Variants in ANKEF1 observed in about 807,000 individuals in gnomAD.
ANKEF1 encodes the protein ankyrin repeat and EF-hand domain-containing protein 1.
Under a neutral mutation model 65.1 loss-of-function variants are expected in ANKEF1, and 43 were observed. The ratio of observed to expected loss-of-function variants is 0.66; its 90% CI spans 0.52 to 0.85. The LOEUF is 0.85. ANKEF1 is among the 40% of genes least tolerant of loss of function. ANKEF1 has a pLI of 0.00. For synonymous variants in ANKEF1, 316 were observed against 341.5 expected, an observed-to-expected ratio of 0.93 and a Z score of 0.82; for missense variants, 934 against 952.9, an observed-to-expected ratio of 0.98 and a Z score of 0.26.
chr20:10,043,018 T>C, intron 3 of ANKEF1, 104 bp from the exon 4 acceptor site: 2 of 1,117,588 alleles, frequency 1.8e-6, no homozygotes, highest in Middle Eastern at 2.9e-4. Context: ...CTGAGGCAGA[T>C]ATGCCTTTAA....
Position 10,049,902 on chromosome 20 carries a change from C to T in ANKEF1, c.1333C>T (p.Arg445Cys), listed in dbSNP as rs755442685. ...ICVIPEYAFP[R>C]RQDGGPPYYM... The stretch of plus-strand genomic sequence containing the variant: ...TGTCATTCCTGAGTACGCGTTTCCA[C>T]GCCGGCAGGATGGTGGGCCACCGTA... Residue 445 changes from arginine to cysteine, a missense_variant, in exon 7 of 11, where the codon CGC (arginine) becomes TGC (cysteine). Transcript: ENST00000378392. The T allele has an allele frequency of 1.2e-5, 19 of 1,614,174 alleles. No individual in the cohort carries two copies. In the South Asian group the frequency reaches 1.6e-4, roughly 14 times the overall value.
chr20:10,038,335 C>T lies in ANKEF1; in HGVS notation c.34C>T (p.Gln12Ter). The T allele has an allele frequency of 6.3e-7, 1 of 1,583,064 alleles. No homozygotes were observed. The highest frequency in any genetic ancestry group is 1.2e-5 in the South Asian group (1 of 85,788). ...AGCAGATAAGAGACTTGAGAACTTA[C>T]AGATCTACAAAGTTCTTCAATGTGT... ...ALADKRLENL[Q>*]IYKVLQCVRN... The change falls in exon 3 of 11, where the codon CAG (glutamine) becomes TAG (stop). Residue 12 changes from glutamine to a stop codon, truncating the protein, a stop_gained. Transcript: ENST00000378392. LOFTEE classifies it high-confidence loss of function.
chr20:10,046,929 G>A (rs1984555547), intron 6 of ANKEF1, among the ~76,000 whole-genome samples: 1 of 152,092 alleles, frequency 6.6e-6, no homozygotes, highest in African/African-American at 2.4e-5. Context: ...AACCCTTTTA[G>A]CAAATGAGAA....
intron 2 of ANKEF1, among the ~76,000 whole-genome samples, chr20:10,038,033 A>G (rs895252517): frequency 6.6e-6 from 1 of 152,220 alleles, no homozygotes; most frequent in Non-Finnish European, 1.5e-5. Context: ...ATGGATAATA[A>G]GAAAACCACC....
At chr20:10,046,074 C>T (rs1984510207) in intron 6 of ANKEF1, among the ~76,000 whole-genome samples, 1 of 151,966 alleles carries the variant, frequency 6.6e-6, no homozygotes, top group Non-Finnish European at 1.5e-5. Flanking sequence ...AGGTCAACAC[C>T]AGCCTGGCCA....
chr20:10,044,580 A>G (rs566757447), intron 5 of ANKEF1, 37 bp downstream of exon 5: 47 of 1,606,672 alleles, frequency 2.9e-5, no homozygotes, highest in Non-Finnish European at 3.7e-5. Flanking sequence ...TTTGTTGCTA[A>G]AACTTTTCTG....
rs1339788129 is a variant in ANKEF1, at chr20:10,044,502, C to A, written c.655C>A (p.His219Asn). ...GEVNAFDNDR[H>N]HAAHFAAKGG... ...AGTGAATGCATTTGACAACGACAGG[C>A]ATCACGCTGCTCATTTTGCTGCTAA... is the stretch of plus-strand genomic sequence containing the variant. The change falls in exon 5 of 11, where the codon CAT (histidine) becomes AAT (asparagine). Residue 219 changes from histidine (H) to asparagine (N), a missense_variant. Physicochemically the swap from His to Asn is moderately conservative, Grantham distance 68. Transcript: ENST00000378392. 1.2e-6 allele frequency: 2 copies of A among 1,614,108 alleles called. No homozygotes were observed. The highest frequency in any genetic ancestry group is 3.3e-5 in the Admixed American group (2 of 60,016).
chr20:10,057,273 C>T lies in ANKEF1; in HGVS notation c.*1613C>T, dbSNP rs1985226542. The T allele has an allele frequency of 6.6e-6, 1 of 152,388 alleles. No homozygotes were observed. Among genetic ancestry groups the T allele is most frequent in the African/African-American group, 2.4e-5 (1 of 41,578 alleles). 9.4% of individuals were successfully genotyped at this position (152,388 alleles called of 1,614,324 possible). On this transcript the variant is annotated 3_prime_UTR_variant, in exon 11 of 11. Coordinates refer to ENST00000378392, the MANE Select transcript of ANKEF1 (RefSeq NM_022096.6). ...AGAATGAAGCAGGTAACCAGGCCCA[C>T]CCCTCTGGAGGAGACAGACCTGAAC...
chr20:10,050,215 A>T lies in ANKEF1; in HGVS notation c.1643+3A>T, dbSNP rs1984774216. Reference sequence around the variant, plus strand: ...GTCAAGTTTCTTCTTGAAAAAGGGTACGCGTCTCCGTCGGGTGTGGCCTAA... The same window carrying T: ...GTCAAGTTTCTTCTTGAAAAAGGGTTCGCGTCTCCGTCGGGTGTGGCCTAA... On this transcript the variant is annotated splice_donor_region_variant and intron_variant, in intron 7 of 10. Transcript: ENST00000378392. 1.3e-6 allele frequency: 2 copies of T among 1,596,264 alleles called. No individual in the cohort carries two copies. Among genetic ancestry groups the T allele is most frequent in the Non-Finnish European group, 8.5e-7 (1 of 1,170,572 alleles).
intron 5 of ANKEF1, among the ~76,000 whole-genome samples, 159 bp downstream of exon 5, chr20:10,044,702 A>G (rs1984407371): frequency 6.6e-6 from 1 of 152,186 alleles, no homozygotes; most frequent in African/African-American, 2.4e-5. Flanking sequence ...CTAAAATTAT[A>G]TTTTTAAAAA....
At chr20:10,044,620 T>C in intron 5 of ANKEF1, 77 bp downstream of exon 5, 3 of 1,491,732 alleles carry the variant, frequency 2.0e-6, no homozygotes, top group South Asian at 2.5e-5. Context: ...TTATATGTCA[T>C]ATAGAGTACG....
At chr20:10,052,945 A>G (rs1157776626) in intron 8 of ANKEF1, among the ~76,000 whole-genome samples, 167 bp from the exon 9 acceptor site, 1 of 152,186 alleles carries the variant, frequency 6.6e-6, no homozygotes, top group Non-Finnish European at 1.5e-5. Context: ...TGGGACCGCC[A>G]TAGAGAAAAT....
intron 9 of ANKEF1, among the ~76,000 whole-genome samples, chr20:10,053,986 A>C (rs1600526326): frequency 6.6e-6 from 1 of 152,200 alleles, no homozygotes; most frequent in Non-Finnish European, 1.5e-5. Flanking sequence ...CAGAATATCT[A>C]CTGGAGACTC....
Position 10,051,773 on chromosome 20 carries a change from A to C in ANKEF1, c.1754A>C (p.Asp585Ala), listed in dbSNP as rs943517328. Residue 585 changes from aspartate to alanine, a missense_variant, in exon 8 of 11, where the codon GAT becomes GCT. Physicochemically the swap from Asp to Ala is moderately radical, Grantham distance 126. Coordinates refer to ENST00000378392, the MANE Select transcript of ANKEF1 (RefSeq NM_022096.6). ...ELLVESGALI[D>A]AASINNSTPL... Reference sequence around the variant, plus strand: ...CTTGTTGAATCTGGAGCTTTAATAGATGCAGCTTCAATCAACAACTCAACT... The same window carrying C: ...CTTGTTGAATCTGGAGCTTTAATAGCTGCAGCTTCAATCAACAACTCAACT... 3.1e-6 allele frequency: 5 copies of C among 1,613,662 alleles called. No homozygotes were observed. The African/African-American group carries it at 5.3e-5, about 17-fold the overall frequency.
Position 10,055,873 on chromosome 20 carries a change from C to T in ANKEF1, c.*213C>T. 1 of 539,012 alleles carries T rather than the reference C, an allele frequency of 1.9e-6. No homozygotes were observed. The highest frequency in any genetic ancestry group is 3.3e-6 in the Non-Finnish European group (1 of 303,664). 33.4% of individuals were successfully genotyped at this position (539,012 alleles called of 1,614,324 possible). On this transcript the variant is annotated 3_prime_UTR_variant, in exon 11 of 11. Transcript: ENST00000378392. ...GAATGGTATGTCATTCTGGATAAAT[C>T]CCCAAGCCCCTTTATGAATGTAGTG... is the stretch of plus-strand genomic sequence containing the variant.
Position 10,049,661 on chromosome 20 carries a change from G to A in ANKEF1, c.1092G>A (p.Glu364=). The change falls in exon 7 of 11, where the codon GAG becomes GAA. Residue 364 remains glutamate (E), a synonymous_variant. Coordinates refer to ENST00000378392, the MANE Select transcript of ANKEF1 (RefSeq NM_022096.6). ...ISKNDFVMVL[E]ERQDYASSEQ... is the part of the protein sequence containing the mutation. ...AGAACGACTTCGTGATGGTGTTGGAGGAAAGGCAGGATTATGCAAGCTCAG... is the reference window on the plus strand; with the variant it reads ...AGAACGACTTCGTGATGGTGTTGGAAGAAAGGCAGGATTATGCAAGCTCAG... 2 of 1,614,110 alleles carry A rather than the reference G, an allele frequency of 1.2e-6. No homozygotes were observed. Among genetic ancestry groups the A allele is most frequent in the Non-Finnish European group, 8.5e-7 (1 of 1,180,022 alleles).
chr20:10,049,539 C>G lies in ANKEF1; in HGVS notation c.970C>G (p.Leu324Val). 1 of 1,614,134 alleles carries G rather than the reference C, an allele frequency of 6.2e-7. No homozygotes were observed. The highest frequency in any genetic ancestry group is 8.5e-7 in the Non-Finnish European group (1 of 1,180,010). ...ARPGAKNPNP[L>V]WALRLHDWSV... The stretch of plus-strand genomic sequence containing the variant: ...GCCAGGAGCCAAAAATCCAAATCCA[C>G]TGTGGGCCCTTAGACTGCACGATTG... Residue 324 changes from leucine (L) to valine (V), a missense_variant, in exon 7 of 11, where the codon CTG becomes GTG. Coordinates refer to ENST00000378392, the MANE Select transcript of ANKEF1 (RefSeq NM_022096.6).
intron 5 of ANKEF1, 86 bp downstream of exon 5, chr20:10,044,629 C>T (rs540791816): frequency 1.5e-5 from 20 of 1,299,590 alleles, no homozygotes; most frequent in Admixed American, 4.7e-5. Context: ...ATATAGAGTA[C>T]GCTAAGGCAG....
At chr20:10,044,642 AT>A in intron 5 of ANKEF1, 99 bp downstream of exon 5, 1 of 1,169,798 alleles carries the variant, frequency 8.5e-7, no homozygotes. Flanking sequence ...TAAGGCAGAC[AT>A]TTTTCTGAGT....
Sources: gnomAD v4.1 joint callset for allele counts (sites outside exome capture counted in the v4.1 genomes callset) on GRCh38, gnomAD v4.1.1 for gene constraint, MANE v1.5 for transcripts, NCBI Gene and HGNC (gene_info 2026-07-23, HGNC 2026-07-21) for gene names.